The following STK32B variants were observed in gnomAD, a reference collection of about 807,000 sequenced individuals.
STK32B encodes serine/threonine kinase 32B, also known as serine/threonine-protein kinase 32B.
STK32B carries 43 observed loss-of-function variants against 52.6 expected under a neutral mutation model. That is an observed-to-expected ratio of 0.82 (90% CI 0.64 to 1.05). The LOEUF is 1.05. Among genes scored for constraint, STK32B ranks in the 50% least tolerant of loss-of-function variants. STK32B has a pLI of 0.00. For missense variants in STK32B, 621 were observed against 534.6 expected (o/e 1.16, Z -1.59); for synonymous variants, 238 against 204.3 (o/e 1.17, Z -1.41).
At chr4:5,173,879 G>A (rs1484673026) in intron 3 of STK32B, among the ~76,000 whole-genome samples, 3 of 152,246 alleles carry the variant, frequency 2.0e-5, no homozygotes, top group South Asian at 4.2e-4. Flanking sequence ...TTGTCTCATT[G>A]ATCTGTCTAA....
chr4:5,320,308 A>G (rs1731403653), intron 3 of STK32B, among the ~76,000 whole-genome samples: 1 of 152,156 alleles, frequency 6.6e-6, no homozygotes, highest in African/African-American at 2.4e-5. Flanking sequence ...CACCCTGCAG[A>G]ACGCCTCTGC....
intron 1 of STK32B, among the ~76,000 whole-genome samples, chr4:5,061,811 T>C (rs573503648): frequency 6.6e-6 from 1 of 152,268 alleles, no homozygotes; most frequent in African/African-American, 2.4e-5. Context: ...TGATGTTCAG[T>C]GTTTGTCGCC....
intron 3 of STK32B, among the ~76,000 whole-genome samples, chr4:5,242,024 C>A (rs1367223239): frequency 2.0e-5 from 3 of 151,976 alleles, no homozygotes; most frequent in Non-Finnish European, 4.4e-5. Context: ...GTGAACAGTG[C>A]CACAATAAAC....
At chr4:5,494,530 G>C (rs533657144) in intron 11 of STK32B, among the ~76,000 whole-genome samples, 1 of 152,038 alleles carries the variant, frequency 6.6e-6, no homozygotes, top group Non-Finnish European at 1.5e-5. Context: ...TCTTTATCCA[G>C]TTTGCCAGTC....
intron 3 of STK32B, among the ~76,000 whole-genome samples, chr4:5,253,860 T>A (rs73081673): frequency 0.024 from 3,696 of 152,346 alleles, 145 homozygotes; most frequent in African/African-American, 0.083. Context: ...AAGTGTTGTT[T>A]TGAGCATTAC....
chr4:5,173,653 A>C (rs1185658051), intron 3 of STK32B, among the ~76,000 whole-genome samples: 3 of 152,184 alleles, frequency 2.0e-5, no homozygotes, highest in Non-Finnish European at 4.4e-5. Context: ...GTTTGATTGC[A>C]CTGTGGTCTG....
At chr4:5,227,890 A>G (rs1334814897) in intron 3 of STK32B, among the ~76,000 whole-genome samples, 2 of 152,210 alleles carry the variant, frequency 1.3e-5, no homozygotes, top group African/African-American at 2.4e-5. Context: ...CCTGGAAAGC[A>G]GTTTGGTGCC....
intron 4 of STK32B, among the ~76,000 whole-genome samples, chr4:5,379,247 C>A (rs1457116648): frequency 6.6e-6 from 1 of 152,158 alleles, no homozygotes; most frequent in African/African-American, 2.4e-5. Flanking sequence ...CCCCTGGCTG[C>A]CCTTCCCCAC....
In STK32B at chr4:5,059,052, C is replaced by CATTTTTT. The variant is rs1742117315; in HGVS notation, c.52+7137_52+7138insATTTTTT. 2.3e-5 allele frequency among the ~76,000 whole-genome samples: 2 copies of CATTTTTT among 86,894 alleles called. 1 individual carries two copies. Among genetic ancestry groups the CATTTTTT allele is most frequent in the Non-Finnish European group, 4.2e-5 (2 of 47,896 alleles). The allele number at this position is 86,894 out of a possible 152,430, so 57.0% of individuals were successfully genotyped here. ...AGGCGTGAGCCACCACGCCCAGCTG[C>CATTTTTT]TTTTTTTTTTTTTTTTTTTTTTTTT... On this transcript the variant is annotated intron_variant, in intron 1 of 11. Transcript: ENST00000282908.
chr4:5,421,246 C>T (rs1026453520), intron 6 of STK32B, among the ~76,000 whole-genome samples: 14 of 152,028 alleles, frequency 9.2e-5, no homozygotes, highest in East Asian at 5.8e-4. Context: ...CCCGCCACCA[C>T]GCCTGGCTAT....
intron 4 of STK32B, among the ~76,000 whole-genome samples, chr4:5,340,853 A>G (rs1390589026): frequency 6.6e-6 from 1 of 152,222 alleles, no homozygotes; most frequent in African/African-American, 2.4e-5. Context: ...CACATATATA[A>G]TAGACACACT....
the STK32B span, among the ~76,000 whole-genome samples, chr4:5,024,075 A>G: frequency 6.6e-6 from 1 of 152,232 alleles, no homozygotes; most frequent in Non-Finnish European, 1.5e-5. Flanking sequence ...CAGGAACTCA[A>G]TGAAGTCACT....
chr4:5,076,161 C>T (rs1420366508), intron 1 of STK32B, among the ~76,000 whole-genome samples: 1 of 152,114 alleles, frequency 6.6e-6, no homozygotes, highest in African/African-American at 2.4e-5. Context: ...CAAGAGAACC[C>T]AAAGTCAAAA....
chr4:5,193,737 T>C (rs1286094534), intron 3 of STK32B, among the ~76,000 whole-genome samples: 1 of 152,236 alleles, frequency 6.6e-6, no homozygotes, highest in Non-Finnish European at 1.5e-5. Flanking sequence ...TGGAAGGTGA[T>C]GACACGAGGG....
Position 5,398,069 on chromosome 4 carries a change from A to G in STK32B, c.435-138A>G. 1.3e-6 allele frequency: 1 copy of G among 788,800 alleles called. No homozygotes were observed. Among genetic ancestry groups the G allele is most frequent in the Non-Finnish European group, 2.1e-6 (1 of 487,180 alleles). 48.9% of individuals were successfully genotyped at this position (788,800 alleles called of 1,614,324 possible). A position where few individuals can be genotyped will look rare whatever the true frequency, so the allele number is the denominator to read the frequency against. On this transcript the variant is annotated intron_variant, in intron 4 of 11. Transcript: ENST00000282908. This position sits in a 1 kb window ranked among gnomAD's most constrained non-coding sequence, Gnocchi z 4.9. ...CCATTATCTTACCAATTATTCTCCC[A>G]CTCCATGTCTGAGGCTTCAGGTCAG...
At chr4:5,316,512 A>T (rs867485972) in intron 3 of STK32B, among the ~76,000 whole-genome samples, 1 of 712 alleles carries the variant, frequency 1.4e-3, no homozygotes, top group Non-Finnish European at 1.6e-3. Context: ...ATAATATATA[A>T]TATATATTAC....
intron 5 of STK32B, among the ~76,000 whole-genome samples, chr4:5,409,067 A>T (rs1737857400): frequency 6.6e-6 from 1 of 152,136 alleles, no homozygotes; most frequent in Non-Finnish European, 1.5e-5. Context: ...GACAATGTTC[A>T]GACAGGCCCT....
At chr4:5,313,120 A>G (rs986817941) in intron 3 of STK32B, among the ~76,000 whole-genome samples, 1 of 150,742 alleles carries the variant, frequency 6.6e-6, no homozygotes, top group African/African-American at 2.4e-5. Context: ...TTTAAAAACC[A>G]CAATTACTTT....
chr4:5,268,860 A>G (rs1341376147), intron 3 of STK32B, among the ~76,000 whole-genome samples: 1 of 152,050 alleles, frequency 6.6e-6, no homozygotes, highest in East Asian at 1.9e-4. Flanking sequence ...AAAAGGGGGA[A>G]AAAACAATAA....
Sources: gnomAD v4.1 joint callset for allele counts (sites outside exome capture counted in the v4.1 genomes callset) on GRCh38, gnomAD v4.1.1 for gene constraint, Gnocchi (gnomAD v3.1) non-coding constraint, MANE v1.5 for transcripts, NCBI Gene and HGNC (gene_info 2026-07-23, HGNC 2026-07-21) for gene names.